The following CHD6 variants were observed in gnomAD, a reference collection of about 807,000 sequenced individuals.
The protein encoded by CHD6 is ATP-dependent chromatin remodeler CHD6.
A neutral mutation model predicts 276.9 loss-of-function variants in CHD6; 50 were observed. The observed-to-expected ratio is 0.18, with a 90% CI of 0.14 to 0.23. The LOEUF (loss-of-function observed/expected upper bound fraction) is 0.23. Among genes scored for constraint, CHD6 ranks in the 10% least tolerant of loss-of-function variants. The pLI, the probability that CHD6 is intolerant of heterozygous loss-of-function variation, is 1.00. For synonymous variants in CHD6, 1,173 were observed against 1,229.3 expected (o/e 0.95, Z 0.96); for missense variants, 2,564 against 3,365.8 (o/e 0.76, Z 5.89).
Position 41,421,042 on chromosome 20 carries a change from C to G in CHD6, c.5593G>C (p.Asp1865His). The change falls in exon 31 of 37, where the codon GAT becomes CAT. Residue 1865 changes from aspartate (D) to histidine (H), a missense_variant. Coordinates refer to ENST00000373233, the MANE Select transcript of CHD6 (RefSeq NM_032221.5). ...SKLILSQNHS[D>H]EEEEEEENEE... ...TTTTCCTCCTCTTCTTCCTCCTCAT[C>G]ACTGTGGTTCTGACTCAAAATCAAT... 6.2e-7 allele frequency: 1 copy of G among 1,613,830 alleles called. No individual in the cohort carries two copies. Among genetic ancestry groups the G allele is most frequent in the Non-Finnish European group, 8.5e-7 (1 of 1,179,942 alleles).
intron 20 of CHD6, among the ~76,000 whole-genome samples, chr20:41,453,191 C>T (rs1569095011): frequency 1.3e-5 from 2 of 152,070 alleles, no homozygotes. Flanking sequence ...GTTGTTTCTG[C>T]AGTCATTCTA....
At chr20:41,494,112 C>A (rs1045817097) in intron 8 of CHD6, among the ~76,000 whole-genome samples, 168 bp from the exon 9 acceptor site, 1 of 152,192 alleles carries the variant, frequency 6.6e-6, no homozygotes, top group Non-Finnish European at 1.5e-5. Flanking sequence ...GTCTCCAAAT[C>A]CTGCTCTCCA....
At position 41,421,069 on chromosome 20, in the gene CHD6, T is replaced by G. The variant is rs1374933799; in HGVS notation, c.5566A>C (p.Lys1856Gln). The change falls in exon 31 of 37, where the codon AAA becomes CAA. Residue 1856 changes from lysine (K) to glutamine (Q), a missense_variant. Transcript: ENST00000373233. ...DLLENKSLESKLILSQNHSDE... is the reference protein window; with the variant it reads ...DLLENKSLESQLILSQNHSDE... ...CTGTGGTTCTGACTCAAAATCAATT[T>G]ACTTTCTAAGCTTTTGTTTTCCAAT... The G allele has an allele frequency of 7.4e-6, 12 of 1,613,930 alleles. No individual in the cohort carries two copies. The highest frequency in any genetic ancestry group is 9.3e-6 in the Non-Finnish European group (11 of 1,179,980).
intron 3 of CHD6, 77 bp downstream of exon 3, chr20:41,532,973 G>T: frequency 6.7e-7 from 1 of 1,482,188 alleles, no homozygotes; most frequent in Non-Finnish European, 9.0e-7. Flanking sequence ...TATGCCTAGG[G>T]GCTTGGGCTA....
intron 2 of CHD6, among the ~76,000 whole-genome samples, chr20:41,541,296 G>C (rs1319895840): frequency 6.6e-6 from 1 of 152,146 alleles, no homozygotes; most frequent in Non-Finnish European, 1.5e-5. Flanking sequence ...AACTTCATCG[G>C]GAAGTCCAGG....
In CHD6 at chr20:41,403,950, T is replaced by C; in HGVS notation, c.*643A>G. 9.5e-7 allele frequency: 1 copy of C among 1,054,190 alleles called. No homozygotes were observed. Among genetic ancestry groups the C allele is most frequent in the Non-Finnish European group, 1.1e-6 (1 of 872,314 alleles). The allele number at this position is 1,054,190 out of a possible 1,614,324, so 65.3% of individuals were successfully genotyped here. On this transcript the variant is annotated 3_prime_UTR_variant, in exon 37 of 37. Coordinates refer to ENST00000373233, the MANE Select transcript of CHD6 (RefSeq NM_032221.5). ...ATGCCTAGTCAGTCAGTATTTCTTC[T>C]TGCTGCAGGTGTCTGAAAAACCACC...
At chr20:41,577,883 T>G (rs1407857312) in intron 1 of CHD6, among the ~76,000 whole-genome samples, 1 of 152,240 alleles carries the variant, frequency 6.6e-6, no homozygotes, top group Non-Finnish European at 1.5e-5. Flanking sequence ...CTTAACCTCC[T>G]TAACTCAAGT....
In CHD6 at chr20:41,484,271, A is replaced by G. The variant is rs1001261349; in HGVS notation, c.2257+81T>C. 9.3e-6 allele frequency: 14 copies of G among 1,499,352 alleles called. No homozygotes were observed. In the African/African-American group the frequency reaches 1.8e-4, roughly 19 times the overall value. The allele number at this position is 1,499,352 out of a possible 1,614,324, so 92.9% of individuals were successfully genotyped here. ...CATCCTAGCATATAATGAAAATTCA[A>G]TACATGAGTTATTTGATTATCATTA... On this transcript the variant is annotated intron_variant, in intron 15 of 36. Coordinates refer to ENST00000373233, the MANE Select transcript of CHD6 (RefSeq NM_032221.5).
intron 17 of CHD6, among the ~76,000 whole-genome samples, chr20:41,463,178 A>C (rs2042841980): frequency 6.6e-6 from 1 of 152,180 alleles, no homozygotes; most frequent in Non-Finnish European, 1.5e-5. Context: ...AAAAGAACCC[A>C]TGTATTCATA....
chr20:41,405,330 C>T lies in CHD6; in HGVS notation c.7411G>A (p.Gly2471Arg). 6.2e-7 allele frequency: 1 copy of T among 1,614,224 alleles called. No individual in the cohort carries two copies. The highest frequency in any genetic ancestry group is 2.2e-5 in the East Asian group (1 of 44,884). ...ACCAGGTCCATCCCAGCAATCAGTCCATTCATGAACAGTGGCCCCATTCCA... is the reference window on the plus strand; with the variant it reads ...ACCAGGTCCATCCCAGCAATCAGTCTATTCATGAACAGTGGCCCCATTCCA... ...PSGMGPLFMN[G>R]LIAGMDLVGL... is the part of the protein sequence containing the mutation. Residue 2471 changes from glycine to arginine, a missense_variant, in exon 37 of 37, where the codon GGA (glycine) becomes AGA (arginine). This residue lies in a region of CHD6 where 1,024 missense variants were observed against 1,047.9 expected (regional missense o/e 0.98). Coordinates refer to ENST00000373233, the MANE Select transcript of CHD6 (RefSeq NM_032221.5).
intron 5 of CHD6, among the ~76,000 whole-genome samples, chr20:41,506,046 T>C (rs954001626): frequency 2.0e-5 from 3 of 152,130 alleles, no homozygotes; most frequent in African/African-American, 7.2e-5. Flanking sequence ...CCTAGAAATC[T>C]TGTTGGCTCT....
chr20:41,539,089 C>T (rs999680605), intron 2 of CHD6, among the ~76,000 whole-genome samples: 1 of 152,166 alleles, frequency 6.6e-6, no homozygotes, highest in African/African-American at 2.4e-5. Flanking sequence ...TGCAGGAAAC[C>T]TGCTTGGGTA....
chr20:41,467,038 C>T (rs962894497), intron 17 of CHD6, among the ~76,000 whole-genome samples: 14 of 152,140 alleles, frequency 9.2e-5, no homozygotes, highest in Admixed American at 2.6e-4. Context: ...AGGAGGAACC[C>T]GGGACTCCGA....
rs1319658753 is a variant in CHD6, at chr20:41,423,647, A to C, written c.4400T>G (p.Val1467Gly). The change falls in exon 30 of 37, where the codon GTT (valine) becomes GGT (glycine). Residue 1467 changes from valine to glycine, a missense_variant. Val to Gly is a moderately radical substitution (Grantham distance 109). Around this residue, in one of 7 missense-constraint regions of CHD6, gnomAD observed 515 missense variants for 739.5 expected, o/e 0.70. Transcript: ENST00000373233. ...DFYRTVSSFGVVYDQEKKTFD... is the reference protein window; with the variant it reads ...DFYRTVSSFGGVYDQEKKTFD... Reference sequence around the variant, plus strand: ...GGTTTTCTTTTCTTGATCGTAAACAACACCAAAGGAAGACACTGTTCTATA... The same window carrying C: ...GGTTTTCTTTTCTTGATCGTAAACACCACCAAAGGAAGACACTGTTCTATA... 1.9e-6 allele frequency: 3 copies of C among 1,614,242 alleles called. No homozygotes were observed. Among genetic ancestry groups the C allele is most frequent in the Non-Finnish European group, 2.5e-6 (3 of 1,180,042 alleles).
intron 1 of CHD6, among the ~76,000 whole-genome samples, chr20:41,571,553 G>T (rs1433114336): frequency 6.6e-6 from 1 of 151,822 alleles, no homozygotes; most frequent in African/African-American, 2.4e-5. Context: ...AACACACCTG[G>T]CCAATTTTTA....
chr20:41,413,653 A>C (rs2145412125), intron 34 of CHD6, 138 bp from the exon 35 acceptor site: 1 of 711,248 alleles, frequency 1.4e-6, no homozygotes, highest in South Asian at 2.1e-5. Context: ...TGCCTGAATT[A>C]GAACCCTACA....
chr20:41,576,086 A>T (rs2045471557), intron 1 of CHD6, among the ~76,000 whole-genome samples: 1 of 152,124 alleles, frequency 6.6e-6, no homozygotes, highest in African/African-American at 2.4e-5. Context: ...CTTCAAGCAA[A>T]ATTTACTAAA....
At chr20:41,480,935 T>C (rs1600969694) in intron 16 of CHD6, among the ~76,000 whole-genome samples, 1 of 151,982 alleles carries the variant, frequency 6.6e-6, no homozygotes, top group Non-Finnish European at 1.5e-5. Context: ...GGATGCAGCT[T>C]GGGTGAAGAA....
At chr20:41,439,942 G>A in intron 26 of CHD6, 58 bp downstream of exon 26, 1 of 1,580,394 alleles carries the variant, frequency 6.3e-7, no homozygotes, top group Non-Finnish European at 8.7e-7. Context: ...TATGAGGAAG[G>A]GGTCACAGAT....
Sources: allele counts gnomAD v4.1 joint callset (sites outside exome capture counted in the v4.1 genomes callset), GRCh38; gene constraint gnomAD v4.1.1; regional missense constraint gnomAD v4.1.1; transcripts MANE v1.5; gene names NCBI Gene and HGNC (gene_info 2026-07-23, HGNC 2026-07-21).